The following RASA3 variants were observed in gnomAD, a reference collection of about 807,000 sequenced individuals.
RASA3 encodes ras GTPase-activating protein 3.
RASA3 carries 73 observed loss-of-function variants against 110.0 expected under a neutral mutation model. The ratio of observed to expected loss-of-function variants is 0.66; its 90% CI spans 0.55 to 0.81. RASA3 has a LOEUF of 0.81. Among genes scored for constraint, RASA3 ranks in the 30% least tolerant of loss-of-function variants. RASA3 has a pLI of 0.00. For synonymous variants in RASA3, 500 were observed against 451.4 expected (o/e 1.11, Z -1.37); for missense variants, 976 against 1,113.2 (o/e 0.88, Z 1.75).
chr13:114,081,819 A>G (rs1446745667), intron 1 of RASA3, among the ~76,000 whole-genome samples: 1 of 152,146 alleles, frequency 6.6e-6, no homozygotes, highest in East Asian at 1.9e-4. Flanking sequence ...AGGAGCAGAG[A>G]CACACCGGTG....
At chr13:114,021,336 C>G in intron 9 of RASA3, 68 bp downstream of exon 9, 1 of 1,441,224 alleles carries the variant, frequency 6.9e-7, no homozygotes, top group Non-Finnish European at 9.7e-7. Flanking sequence ...TGCCTTTCCA[C>G]TCAGAGGCAG....
intron 1 of RASA3, among the ~76,000 whole-genome samples, chr13:114,079,207 G>A (rs944239733): frequency 2.0e-5 from 3 of 152,208 alleles, no homozygotes; most frequent in Non-Finnish European, 4.4e-5. Flanking sequence ...GGTACTGGCC[G>A]CGTCCACCCA....
intron 1 of RASA3, among the ~76,000 whole-genome samples, chr13:114,105,299 C>G (rs1414455149): frequency 1.3e-5 from 2 of 152,094 alleles, no homozygotes; most frequent in Non-Finnish European, 2.9e-5. Context: ...GCCAGGGTGC[C>G]ATGGACCCTG....
At chr13:114,074,161 C>T (rs1286408204) in intron 1 of RASA3, among the ~76,000 whole-genome samples, 2 of 152,238 alleles carry the variant, frequency 1.3e-5, no homozygotes, top group Admixed American at 6.5e-5. Flanking sequence ...GACCTGCTCG[C>T]GTGCACAGTT....
intron 4 of RASA3, among the ~76,000 whole-genome samples, chr13:114,040,490 G>A (rs1273201801): frequency 7.6e-5 from 10 of 131,232 alleles, no homozygotes; most frequent in South Asian, 2.6e-4. Context: ...CGCTCACTCC[G>A]AGCACAAGCG....
rs564480832 is a variant in RASA3, at chr13:114,105,732, G to A, written c.55+26703C>T. 8.5e-5 allele frequency among the ~76,000 whole-genome samples: 13 copies of A among 152,360 alleles called. 1 individual carries two copies. In the East Asian group the frequency reaches 1.5e-3, roughly 18 times the overall value. The stretch of plus-strand genomic sequence containing the variant: ...AACCAGGCCAGGCTCTGAGCAGCCC[G>A]TCCGTTGTCCTGACACCTGACCATG... On this transcript the variant is annotated intron_variant, in intron 1 of 23. Transcript: ENST00000334062.
chr13:114,073,266 G>A (rs1594424908), intron 2 of RASA3, among the ~76,000 whole-genome samples: 1 of 146,042 alleles, frequency 6.8e-6, no homozygotes, highest in Admixed American at 6.9e-5. Flanking sequence ...AAAACGGGAC[G>A]GTGATGTACA....
intron 1 of RASA3, among the ~76,000 whole-genome samples, chr13:114,104,008 TTCACACTGCCCCCGG>T: frequency 2.0e-5 from 1 of 50,146 alleles, no homozygotes; most frequent in African/African-American, 7.6e-5. Context: ...CCCTGATGCG[TTCACACTGCCCCCGG>T]CCACAGACAC....
At chr13:114,062,313 T>C (rs1243477636) in intron 2 of RASA3, among the ~76,000 whole-genome samples, 1 of 151,632 alleles carries the variant, frequency 6.6e-6, no homozygotes, top group Admixed American at 6.7e-5. Flanking sequence ...CAAAAATTCA[T>C]TGAGGGGGGG....
Position 114,001,003 on chromosome 13 carries a change from C to A in RASA3, c.1743-71G>T. 2 of 991,506 alleles carry A rather than the reference C, an allele frequency of 2.0e-6. 1 individual carries two copies. Among genetic ancestry groups the A allele is most frequent in the South Asian group, 2.6e-5 (2 of 77,976 alleles). 61.4% of individuals were successfully genotyped at this position (991,506 alleles called of 1,614,324 possible). A position where few individuals can be genotyped will look rare whatever the true frequency, so the allele number is the denominator to read the frequency against. On this transcript the variant is annotated intron_variant, in intron 18 of 23. Coordinates refer to ENST00000334062, the MANE Select transcript of RASA3 (RefSeq NM_007368.4). The stretch of plus-strand genomic sequence containing the variant: ...CCCTGCACAGGTGAAAAACCACACC[C>A]CCCACTTTCTGCGTTCTGAGACCTG...
chr13:113,991,755 A>G (rs1465483043), intron 22 of RASA3, among the ~76,000 whole-genome samples: 3 of 152,258 alleles, frequency 2.0e-5, no homozygotes, highest in Admixed American at 6.5e-5. Flanking sequence ...TGCTTTACAG[A>G]ATTAGATGGC....
chr13:113,982,805 A>AC (rs1356122360), intron 22 of RASA3, among the ~76,000 whole-genome samples: 1 of 152,196 alleles, frequency 6.6e-6, no homozygotes, highest in African/African-American at 2.4e-5. Flanking sequence ...TATAGAAGAC[A>AC]CCAAGGAAGC....
At chr13:114,071,790 G>C (rs1363502111) in intron 2 of RASA3, among the ~76,000 whole-genome samples, 1 of 152,194 alleles carries the variant, frequency 6.6e-6, no homozygotes, top group African/African-American at 2.4e-5. Context: ...AGTGATATGA[G>C]CCCCAGTCTC....
chr13:114,013,502 TCC>T (rs747423654), intron 14 of RASA3, among the ~76,000 whole-genome samples: 30 of 145,124 alleles, frequency 2.1e-4, no homozygotes, highest in Non-Finnish European at 3.3e-4. Context: ...TCTCTCTCTC[TCC>T]CTCTATTTGT....
At chr13:114,005,843 A>C (rs866711820) in intron 18 of RASA3, among the ~76,000 whole-genome samples, 6 of 60,978 alleles carry the variant, frequency 9.8e-5, no homozygotes, top group Admixed American at 1.8e-4. Context: ...ACGCCACCTT[A>C]CCCTTCTCCC....
chr13:114,108,245 G>C (rs1199737582), intron 1 of RASA3, among the ~76,000 whole-genome samples: 8 of 29,270 alleles, frequency 2.7e-4, no homozygotes, highest in Non-Finnish European at 4.1e-4. Flanking sequence ...GTCACCCCAT[G>C]TCTGTCACCC....
chr13:114,122,793 C>T (rs883303), intron 1 of RASA3, among the ~76,000 whole-genome samples: 9 of 152,302 alleles, frequency 5.9e-5, no homozygotes, highest in Admixed American at 3.9e-4. Context: ...TCCGGCAGGT[C>T]GGCCCCAGCC....
At position 114,101,058 on chromosome 13, in the gene RASA3, G is replaced by A. The variant is rs191742056; in HGVS notation, c.56-27221C>T. Among the ~76,000 whole-genome samples the A allele has an allele frequency of 5.4e-3, 821 of 152,282 alleles. 5 individuals are homozygous for A. The highest frequency in any genetic ancestry group is 9.1e-3 in the Non-Finnish European group (616 of 68,004). Reference sequence around the variant, plus strand: ...ACACCTGGGGGCCTGAGGAGCAGCCGGGGGTGTAGGGACAGGGGCTCCCCA... The same window carrying A: ...ACACCTGGGGGCCTGAGGAGCAGCCAGGGGTGTAGGGACAGGGGCTCCCCA... On this transcript the variant is annotated intron_variant, in intron 1 of 23. Coordinates refer to ENST00000334062, the MANE Select transcript of RASA3 (RefSeq NM_007368.4).
intron 1 of RASA3, among the ~76,000 whole-genome samples, chr13:114,094,056 G>T (rs896576122): frequency 3.3e-5 from 5 of 151,924 alleles, no homozygotes; most frequent in African/African-American, 1.2e-4. Context: ...CCCGTCTCTC[G>T]CACCTTATTT....
Sources: allele counts gnomAD v4.1 joint callset (sites outside exome capture counted in the v4.1 genomes callset), GRCh38; gene constraint gnomAD v4.1.1; transcripts MANE v1.5; gene names NCBI Gene and HGNC (gene_info 2026-07-23, HGNC 2026-07-21).